ESYT1: variants seen among roughly 807,000 people sequenced by gnomAD.
ESYT1 encodes extended synaptotagmin-1.
In ESYT1, 116 loss-of-function variants were observed where a neutral mutation model predicts 154.2. That is an observed-to-expected ratio of 0.75 (90% CI 0.65 to 0.88). The LOEUF is 0.88. Ranked by LOEUF, ESYT1 falls within the 40% of genes least tolerant of loss-of-function variation. ESYT1 has a pLI of 0.00. For synonymous variants in ESYT1, 500 were observed against 539.9 expected (o/e 0.93, Z 1.02); for missense variants, 1,264 against 1,379.3 (o/e 0.92, Z 1.32).
chr12:56,133,445 C>A lies in ESYT1; in HGVS notation c.1273C>A (p.Gln425Lys). Residue 425 changes from glutamine to lysine, a missense_variant, in exon 11 of 31, where the codon CAG (glutamine) becomes AAG (lysine). Physicochemically the swap from Gln to Lys is moderately conservative, Grantham distance 53. Coordinates refer to ENST00000394048, the MANE Select transcript of ESYT1 (RefSeq NM_015292.3). The part of the protein sequence containing the change: ...RMKLDVGKVL[Q>K]ASVLDDWFPL... ...GAAGCTGGATGTAGGGAAGGTGTTACAGGCTAGCGTTCTGGATGATGTAAG... is the reference window on the plus strand; with the variant it reads ...GAAGCTGGATGTAGGGAAGGTGTTAAAGGCTAGCGTTCTGGATGATGTAAG... 6.2e-7 allele frequency: 1 copy of A among 1,614,238 alleles called. No homozygotes were observed. Among genetic ancestry groups the A allele is most frequent in the Non-Finnish European group, 8.5e-7 (1 of 1,180,042 alleles).
At chr12:56,137,799 GA>G in intron 18 of ESYT1, 32 bp from the exon 19 acceptor site, 3 of 1,611,918 alleles carry the variant, frequency 1.9e-6, no homozygotes, top group Non-Finnish European at 8.5e-7. Context: ...GAAAAGGAGA[GA>G]ATCTTTCATC....
rs778620561 is a variant in ESYT1, at chr12:56,143,820, C to G, written c.3276-3C>G. On this transcript the variant is annotated splice_region_variant and splice_polypyrimidine_tract_variant and intron_variant, in intron 30 of 30. Coordinates refer to ENST00000394048, the MANE Select transcript of ESYT1 (RefSeq NM_015292.3). The stretch of plus-strand genomic sequence containing the variant: ...TCTTTCTACATGAGCCCTCTTTTCA[C>G]AGGTATGACCTGATGGACAACAAGG... 1.2e-6 allele frequency: 2 copies of G among 1,614,100 alleles called. No homozygotes were observed. The highest frequency in any genetic ancestry group is 2.2e-5 in the South Asian group (2 of 91,084).
Position 56,132,799 on chromosome 12 carries a change from C to G in ESYT1, c.1242C>G (p.Gly414=). ...ATCCAGATAAAGATGACTTTCTGGGCAGGTGAGACTCTGCCTGTTAGGATT... is the reference window on the plus strand; with the variant it reads ...ATCCAGATAAAGATGACTTTCTGGGGAGGTGAGACTCTGCCTGTTAGGATT... ...DKDPDKDDFL[G]RMKLDVGKVL... The change falls in exon 10 of 31, where the codon GGC becomes GGG. Residue 414 remains glycine, a splice_region_variant and synonymous_variant. Coordinates refer to ENST00000394048, the MANE Select transcript of ESYT1 (RefSeq NM_015292.3). The G allele has an allele frequency of 6.2e-7, 1 of 1,613,630 alleles. No individual in the cohort carries two copies. Among genetic ancestry groups the G allele is most frequent in the Admixed American group, 1.7e-5 (1 of 60,002 alleles).
At chr12:56,141,599 G>C (rs1870695402) in intron 24 of ESYT1, among the ~76,000 whole-genome samples, 1 of 152,188 alleles carries the variant, frequency 6.6e-6, no homozygotes, top group South Asian at 2.1e-4. Flanking sequence ...AATTAGCCGG[G>C]TGTGGTGGCG....
At chr12:56,132,104 C>T in intron 7 of ESYT1, 105 bp from the exon 8 acceptor site, 1 of 1,559,028 alleles carries the variant, frequency 6.4e-7, no homozygotes. Flanking sequence ...CACAAAAGGA[C>T]TTTCTTACAG....
At chr12:56,132,927 T>G in intron 10 of ESYT1, 126 bp downstream of exon 10, 1 of 759,318 alleles carries the variant, frequency 1.3e-6, no homozygotes, top group Non-Finnish European at 2.2e-6. Flanking sequence ...GAGACCATCC[T>G]GGCTAACACG....
At position 56,138,036 on chromosome 12, in the gene ESYT1, C is replaced by T. The variant is rs775631340; in HGVS notation, c.2209C>T (p.Arg737Cys). 61 of 1,614,054 alleles carry T rather than the reference C, an allele frequency of 3.8e-5. No homozygotes were observed. The Admixed American group carries it at 7.0e-4, about 19-fold the overall frequency. Residue 737 changes from arginine to cysteine, a missense_variant, in exon 20 of 31, where the codon CGT (arginine) becomes TGT (cysteine). Physicochemically the swap from Arg to Cys is radical, Grantham distance 180 (BLOSUM62 -3). Coordinates refer to ENST00000394048, the MANE Select transcript of ESYT1 (RefSeq NM_015292.3). ...KDDFLGRCKV[R>C]LTTVLNSGFL... ...CTTTCTCTTCAACAGGTGTAAAGTGCGTCTCACCACAGTCTTAAACAGTGG... is the reference window on the plus strand; with the variant it reads ...CTTTCTCTTCAACAGGTGTAAAGTGTGTCTCACCACAGTCTTAAACAGTGG...
chr12:56,132,697 C>T (rs751731791), intron 9 of ESYT1, 22 bp from the exon 10 acceptor site: 22 of 1,613,910 alleles, frequency 1.4e-5, no homozygotes, highest in African/African-American at 9.3e-5. Flanking sequence ...CCATGAGACA[C>T]TCAGCCTTCT....
chr12:56,138,800 T>C lies in ESYT1; in HGVS notation c.2466T>C (p.Tyr822=), dbSNP rs1331831900. The C allele has an allele frequency of 2.5e-6, 4 of 1,614,218 alleles. 1 individual carries two copies. Among genetic ancestry groups the C allele is most frequent in the Non-Finnish European group, 3.4e-6 (4 of 1,180,026 alleles). The part of the protein sequence containing the change: ...LRKGTKHLSP[Y]ATLTVGDSSH... ...AAGGCACCAAGCACCTCAGCCCTTATGCTACTCTCACTGTGGGAGATAGTT... is the reference window on the plus strand; with the variant it reads ...AAGGCACCAAGCACCTCAGCCCTTACGCTACTCTCACTGTGGGAGATAGTT... Residue 822 remains tyrosine (Y), a synonymous_variant, in exon 23 of 31, where the codon TAT becomes TAC. Transcript: ENST00000394048.
chr12:56,137,760 T>C, intron 18 of ESYT1, 72 bp from the exon 19 acceptor site: 1 of 1,608,632 alleles, frequency 6.2e-7, no homozygotes. Flanking sequence ...TGAGGTTCAG[T>C]TGACTGGGGG....
rs772736830 is a variant in ESYT1 at position 56,137,916 on chromosome 12, T to C, written c.2198+2T>C. ...GGACAAGGATGATTTTCTGGGCAGG[T>C]GAGAGCATAGGAGTCTACGTGAAAA... On this transcript the variant is annotated splice_donor_variant, in intron 19 of 30. Transcript: ENST00000394048. LOFTEE classifies it high-confidence loss of function. 2 of 1,614,070 alleles carry C rather than the reference T, an allele frequency of 1.2e-6. No homozygotes were observed. Among genetic ancestry groups the C allele is most frequent in the African/African-American group, 2.7e-5 (2 of 74,936 alleles).
chr12:56,136,375 G>A (rs1397095607), intron 15 of ESYT1, among the ~76,000 whole-genome samples: 1 of 152,050 alleles, frequency 6.6e-6, no homozygotes, highest in Non-Finnish European at 1.5e-5. Context: ...GATTGCCTGA[G>A]CTCAGGAGTT....
In ESYT1 at chr12:56,132,540, A is replaced by G; in HGVS notation, c.1104A>G (p.Thr368=). The G allele has an allele frequency of 6.2e-7, 1 of 1,614,236 alleles. No individual in the cohort carries two copies. Among genetic ancestry groups the G allele is most frequent in the South Asian group, 1.1e-5 (1 of 91,090 alleles). ...CACTTGTGCGTTTGGGTACCCAGAC[A>G]TTCTGCAGTCGTGTCATTGATGAAG... ...PYALVRLGTQ[T]FCSRVIDEEL... Residue 368 remains threonine, a synonymous_variant, in exon 9 of 31, where the codon ACA becomes ACG. Transcript: ENST00000394048.
intron 1 of ESYT1, chr12:56,130,257 T>C: frequency 2.3e-6 from 1 of 433,484 alleles, no homozygotes; most frequent in African/African-American, 2.0e-5. Context: ...AACTCCAATT[T>C]GACTGGACCT....
At position 56,143,969 on chromosome 12, in the gene ESYT1, G is replaced by A; in HGVS notation, c.*107G>A. 1 of 1,587,446 alleles carries A rather than the reference G, an allele frequency of 6.3e-7. No individual in the cohort carries two copies. On this transcript the variant is annotated 3_prime_UTR_variant, in exon 31 of 31. Coordinates refer to ENST00000394048, the MANE Select transcript of ESYT1 (RefSeq NM_015292.3). ...GCTAGGGTCCAAGGGCAGAGCCTGTGCCCTTCAGCCCTTTCACCTAACAGG... is the reference window on the plus strand; with the variant it reads ...GCTAGGGTCCAAGGGCAGAGCCTGTACCCTTCAGCCCTTTCACCTAACAGG...
chr12:56,134,217 G>C, intron 14 of ESYT1, 36 bp downstream of exon 14: 1 of 1,609,118 alleles, frequency 6.2e-7, no homozygotes. Flanking sequence ...TGGCCAGGTA[G>C]GACAGGGAGA....
At chr12:56,135,549 C>G (rs1341081106) in intron 15 of ESYT1, among the ~76,000 whole-genome samples, 1 of 151,964 alleles carries the variant, frequency 6.6e-6, no homozygotes, top group Non-Finnish European at 1.5e-5. Flanking sequence ...TGGCCAGTTT[C>G]AGTTTCATAG....
rs150646136 is a variant in ESYT1 at position 56,131,546 on chromosome 12, A to C, written c.784A>C (p.Met262Leu). Reference sequence around the variant, plus strand: ...CCTTCCCTTCGTGGGGGCTGTGTCAATGTTCTTCATCCGACGCCCGGTAAG... The same window carrying C: ...CCTTCCCTTCGTGGGGGCTGTGTCACTGTTCTTCATCCGACGCCCGGTAAG... ...GDLPFVGAVS[M>L]FFIRRPTLDI... Residue 262 changes from methionine (M) to leucine (L), a missense_variant, in exon 6 of 31, where the codon ATG (methionine) becomes CTG (leucine). Met to Leu is a conservative substitution (Grantham distance 15). Coordinates refer to ENST00000394048, the MANE Select transcript of ESYT1 (RefSeq NM_015292.3). 1.7e-5 allele frequency: 27 copies of C among 1,613,978 alleles called. No individual in the cohort carries two copies. In the African/African-American group the frequency reaches 3.3e-4, roughly 20 times the overall value.
At chr12:56,139,548 G>A (rs1395470533) in intron 24 of ESYT1, among the ~76,000 whole-genome samples, 1 of 151,714 alleles carries the variant, frequency 6.6e-6, no homozygotes, top group East Asian at 1.9e-4. Context: ...GGGAAAGGCT[G>A]GAGATAGAAA....
Sources: gnomAD v4.1 joint callset for allele counts (sites outside exome capture counted in the v4.1 genomes callset) on GRCh38, gnomAD v4.1.1 for gene constraint, MANE v1.5 for transcripts, NCBI Gene and HGNC (gene_info 2026-07-23, HGNC 2026-07-21) for gene names.